ZNF644: variants seen among roughly 807,000 people sequenced by gnomAD.
The protein encoded by ZNF644 is zinc finger motif enhancer binding protein 2.
Under a neutral mutation model 108.0 loss-of-function variants are expected in ZNF644, and 20 were observed. The ratio of observed to expected loss-of-function variants is 0.19; its 90% CI spans 0.13 to 0.27. The LOEUF is 0.27. Ranked by LOEUF, ZNF644 falls within the 10% of genes least tolerant of loss-of-function variation. The pLI is 1.00. For synonymous variants in ZNF644, 542 were observed against 539.1 expected, an observed-to-expected ratio of 1.01 and a Z score of -0.08; for missense variants, 1,338 against 1,548.9, an observed-to-expected ratio of 0.86 and a Z score of 2.29.
At chr1:90,941,454 A>C (rs1398668723) in intron 2 of ZNF644, 145 bp from the exon 3 acceptor site, 1 of 779,930 alleles carries the variant, frequency 1.3e-6, no homozygotes, top group Admixed American at 3.3e-5. Context: ...GAATGAAAGA[A>C]CACAAACATA....
intron 2 of ZNF644, among the ~76,000 whole-genome samples, chr1:90,958,705 C>A (rs1049869057): frequency 1.3e-5 from 2 of 152,118 alleles, no homozygotes; most frequent in Non-Finnish European, 2.9e-5. Flanking sequence ...GTGCCAAGAC[C>A]ATTCAATGGG....
At chr1:91,007,544 T>G (rs1659576076) in intron 1 of ZNF644, among the ~76,000 whole-genome samples, 1 of 152,148 alleles carries the variant, frequency 6.6e-6, no homozygotes, top group African/African-American at 2.4e-5. Context: ...TGAACGTGCA[T>G]GCAAGTGTGA....
chr1:91,004,305 A>C (rs1659195540), intron 1 of ZNF644, among the ~76,000 whole-genome samples: 2 of 152,192 alleles, frequency 1.3e-5, no homozygotes, highest in Admixed American at 6.5e-5. Flanking sequence ...AGAATCCTAA[A>C]AGAAGCAAGA....
intron 2 of ZNF644, among the ~76,000 whole-genome samples, chr1:90,975,119 T>A (rs1029891174): frequency 5.3e-5 from 8 of 152,208 alleles, no homozygotes; most frequent in African/African-American, 1.9e-4. Context: ...TTCCATCCAG[T>A]CATTAAATAG....
At chr1:90,927,688 A>G (rs1650209336) in intron 4 of ZNF644, among the ~76,000 whole-genome samples, 1 of 152,210 alleles carries the variant, frequency 6.6e-6, no homozygotes, top group South Asian at 2.1e-4. Flanking sequence ...ACAATACTAT[A>G]GAAATAAGTT....
At chr1:90,922,001 T>C (rs1057021694) in intron 4 of ZNF644, among the ~76,000 whole-genome samples, 6 of 152,196 alleles carry the variant, frequency 3.9e-5, no homozygotes. Flanking sequence ...ACAAAGAAGA[T>C]TAAGAATTTA....
At chr1:91,001,213 C>G (rs1204073384) in intron 1 of ZNF644, among the ~76,000 whole-genome samples, 2 of 152,030 alleles carry the variant, frequency 1.3e-5, no homozygotes, top group Admixed American at 1.3e-4. Flanking sequence ...GATACCAAAG[C>G]CTGGCAGAGA....
intron 1 of ZNF644, among the ~76,000 whole-genome samples, chr1:90,999,677 G>A (rs935503469): frequency 1.6e-4 from 25 of 151,998 alleles, no homozygotes; most frequent in Admixed American, 7.9e-4. Flanking sequence ...GCTCAAACTC[G>A]CACATAACAA....
chr1:90,987,560 G>A (rs1657228808), intron 1 of ZNF644, among the ~76,000 whole-genome samples: 1 of 151,918 alleles, frequency 6.6e-6, no homozygotes, highest in Non-Finnish European at 1.5e-5. Context: ...AATAAGAAAA[G>A]CCCAGGACCA....
rs777200459 is a variant in ZNF644, at chr1:90,939,350, G to C, written c.2004C>G (p.Thr668=). 6.2e-7 allele frequency: 1 copy of C among 1,613,994 alleles called. No homozygotes were observed. The highest frequency in any genetic ancestry group is 1.3e-5 in the African/African-American group (1 of 75,002). ...TTTTTGAAAAACTACTTGATTGTGA[G>C]GTTGATCCAAATGTTCGCTTCACAT... The part of the protein sequence containing the change: ...KQDVKRTFGS[T]SQSSSFSKIH... Residue 668 remains threonine (T), a synonymous_variant, in exon 3 of 6, where the codon ACC becomes ACG. Transcript: ENST00000337393.
intron 2 of ZNF644, among the ~76,000 whole-genome samples, chr1:90,971,249 T>A (rs1655440971): frequency 7.0e-6 from 1 of 141,922 alleles, no homozygotes; most frequent in African/African-American, 2.7e-5. Flanking sequence ...AAAATCAATG[T>A]AACACAGCAC....
chr1:90,941,320 GAA>G lies in ZNF644; in HGVS notation c.45-13_45-12del. ...TTTAACACATTTAGTCTAGAAAATG[GAA>G]AAAAAAAATTTAGATTTGCATGAAA... On this transcript the variant is annotated splice_polypyrimidine_tract_variant and intron_variant, in intron 2 of 5. Transcript: ENST00000337393. 1 of 1,550,982 alleles carries G rather than the reference GAA, an allele frequency of 6.4e-7. No homozygotes were observed. Among genetic ancestry groups the G allele is most frequent in the South Asian group, 1.2e-5 (1 of 81,972 alleles).
intron 2 of ZNF644, among the ~76,000 whole-genome samples, chr1:90,967,196 T>C (rs1490301680): frequency 6.6e-6 from 1 of 151,134 alleles, no homozygotes; most frequent in Non-Finnish European, 1.5e-5. Context: ...CCCCAACATG[T>C]TCCTCTTCAC....
At chr1:91,012,709 C>A (rs996796396) in intron 1 of ZNF644, among the ~76,000 whole-genome samples, 3 of 152,042 alleles carry the variant, frequency 2.0e-5, no homozygotes, top group African/African-American at 7.2e-5. Context: ...CATGTCTGTG[C>A]TTTTTTTACA....
chr1:90,965,663 T>C (rs1654786814), intron 2 of ZNF644, among the ~76,000 whole-genome samples: 1 of 152,174 alleles, frequency 6.6e-6, no homozygotes, highest in South Asian at 2.1e-4. Flanking sequence ...TAAAATGTTA[T>C]CAGCAAAAAA....
intron 1 of ZNF644, among the ~76,000 whole-genome samples, chr1:91,012,292 A>G (rs1480383165): frequency 6.6e-6 from 1 of 151,080 alleles, no homozygotes; most frequent in Non-Finnish European, 1.5e-5. Context: ...AACATGGTAA[A>G]ACCCTATCTC....
At chr1:91,013,217 G>C (rs997511180) in intron 1 of ZNF644, among the ~76,000 whole-genome samples, 1 of 151,926 alleles carries the variant, frequency 6.6e-6, no homozygotes, top group Non-Finnish European at 1.5e-5. Flanking sequence ...GGCATTATAG[G>C]TGCACACCAC....
intron 1 of ZNF644, among the ~76,000 whole-genome samples, chr1:91,010,665 T>C (rs1659880555): frequency 1.3e-5 from 2 of 152,178 alleles, no homozygotes; most frequent in African/African-American, 4.8e-5. Flanking sequence ...TCATTTTATT[T>C]TGTCAGCTCA....
chr1:90,986,908 A>C (rs1386877171), intron 1 of ZNF644, among the ~76,000 whole-genome samples: 1 of 151,926 alleles, frequency 6.6e-6, no homozygotes, highest in East Asian at 1.9e-4. Flanking sequence ...GAAATTAAAA[A>C]ACTTACTCTT....
Sources: gnomAD v4.1 joint callset for allele counts (sites outside exome capture counted in the v4.1 genomes callset) on GRCh38, gnomAD v4.1.1 for gene constraint, MANE v1.5 for transcripts, NCBI Gene and HGNC (gene_info 2026-07-23, HGNC 2026-07-21) for gene names.